The following DMD variants were observed in gnomAD, a reference collection of about 807,000 sequenced individuals.
The protein encoded by DMD is dystrophin, also known as mutant dystrophin.
A neutral mutation model predicts 330.1 loss-of-function variants in DMD; 63 were observed. The observed-to-expected ratio is 0.19, with a 90% CI of 0.16 to 0.24. DMD has a LOEUF of 0.24. Among genes scored for constraint, DMD ranks in the 10% least tolerant of loss-of-function variants. The pLI is 1.00. For missense variants in DMD, 3,344 were observed against 2,684.1 expected (o/e 1.25, Z -5.43); for synonymous variants, 1,223 against 959.8 (o/e 1.27, Z -5.07).
chrX:33,202,361 C>T (rs1237636591), intron 1 of DMD, among the ~76,000 whole-genome samples: 1 of 111,688 alleles, frequency 9.0e-6, no homozygotes, highest in Non-Finnish European at 1.9e-5. Context: ...AAGCAAATTA[C>T]TTAATCTCCC....
At chrX:33,086,337 T>G (rs2095004686) in intron 1 of DMD, among the ~76,000 whole-genome samples, 1 of 112,133 alleles carries the variant, frequency 8.9e-6, no homozygotes, top group Admixed American at 9.6e-5. Context: ...TTAGAATTTT[T>G]TAAAGTTAAC....
intron 2 of DMD, among the ~76,000 whole-genome samples, chrX:32,856,685 G>T (rs1379124807): frequency 8.9e-6 from 1 of 111,751 alleles, no homozygotes; most frequent in Non-Finnish European, 1.9e-5. Context: ...GGGACAGGAG[G>T]AGTGGGAATG....
intron 50 of DMD, among the ~76,000 whole-genome samples, chrX:31,812,489 G>C (rs1307267008): frequency 4.6e-5 from 5 of 108,276 alleles, no homozygotes; most frequent in Admixed American, 3.0e-4. Flanking sequence ...AATGGGTGCA[G>C]CACACCAACA....
chrX:32,104,101 G>A (rs1300272957), intron 44 of DMD, among the ~76,000 whole-genome samples: 1 of 111,220 alleles, frequency 9.0e-6, no homozygotes, highest in East Asian at 2.8e-4. Context: ...GAACTGCTTA[G>A]CAAAAAGGAA....
At chrX:31,442,391 G>A (rs909391094) in intron 60 of DMD, among the ~76,000 whole-genome samples, 35 of 111,019 alleles carry the variant, frequency 3.2e-4, no homozygotes, top group Middle Eastern at 4.7e-3. Context: ...TGCTCTTTTC[G>A]CTATATCATA....
At chrX:32,035,486 A>T (rs1028498609) in intron 44 of DMD, 10 of 262,048 alleles carry the variant, frequency 3.8e-5, no homozygotes, top group African/African-American at 2.9e-4. Flanking sequence ...TGGATGTGTG[A>T]TATGACTGAT....
At chrX:32,256,200 C>A (rs1285285756) in intron 43 of DMD, among the ~76,000 whole-genome samples, 1 of 111,121 alleles carries the variant, frequency 9.0e-6, no homozygotes, top group Non-Finnish European at 1.9e-5. Context: ...ATAGTTAGTT[C>A]TTCTTGTTGC....
chrX:31,387,386 G>A (rs1013683356), intron 60 of DMD, among the ~76,000 whole-genome samples: 7 of 110,983 alleles, frequency 6.3e-5, no homozygotes, highest in Non-Finnish European at 1.3e-4. Context: ...ATGATCTCAT[G>A]ATATGTAAAT....
intron 2 of DMD, among the ~76,000 whole-genome samples, chrX:32,957,974 A>G (rs1161584143): frequency 1.8e-5 from 2 of 112,085 alleles, no homozygotes; most frequent in Non-Finnish European, 3.8e-5. Flanking sequence ...ATAAATGCAG[A>G]AATCACTATA....
intron 30 of DMD, among the ~76,000 whole-genome samples, chrX:32,390,622 G>A (rs2097995087): frequency 8.9e-6 from 1 of 111,937 alleles, no homozygotes; most frequent in Admixed American, 9.5e-5. Flanking sequence ...AACTGTGACA[G>A]GGATGAGATA....
chrX:33,100,260 A>G lies in DMD; in HGVS notation c.32-80060T>C, dbSNP rs1162853631. ...TAAGTTTTACAATGCAAAGTTAGAC[A>G]CCAAAAAATATCTAACTTTATTAAG... On this transcript the variant is annotated intron_variant, in intron 1 of 78. Transcript: ENST00000357033. Among the ~76,000 whole-genome samples the G allele has an allele frequency of 4.4e-5, 5 of 112,398 alleles. 1 individual carries two copies. The highest frequency in any genetic ancestry group is 9.4e-5 in the Non-Finnish European group (5 of 53,312).
At chrX:32,656,003 TA>T (rs951826706) in intron 9 of DMD, among the ~76,000 whole-genome samples, 5 of 111,273 alleles carry the variant, frequency 4.5e-5, no homozygotes, top group African/African-American at 9.8e-5. Context: ...ATTCCTACAT[TA>T]AAAAAATGGC....
chrX:31,412,916 AATT>A (rs2061707385), intron 60 of DMD, among the ~76,000 whole-genome samples: 1 of 111,592 alleles, frequency 9.0e-6, no homozygotes, highest in South Asian at 3.8e-4. Context: ...AATCTTACTT[AATT>A]AAGTGTGCTG....
At chrX:32,565,953 T>G (rs2051656460) in intron 15 of DMD, 72 bp from the exon 16 acceptor site, 2 of 911,481 alleles carry the variant, frequency 2.2e-6, no homozygotes, top group South Asian at 4.2e-5. Flanking sequence ...CAATCTGCTT[T>G]TGCGTGTATT....
chrX:32,452,867 T>C (rs2098339984), intron 26 of DMD, among the ~76,000 whole-genome samples: 1 of 111,153 alleles, frequency 9.0e-6, no homozygotes, highest in South Asian at 3.7e-4. Context: ...CTGAGGTAAT[T>C]TTATCCCATT....
Position 31,965,860 on chromosome X carries a change from C to T in DMD, c.6614+2479G>A, listed in dbSNP as rs1044330655. Among the ~76,000 whole-genome samples the T allele has an allele frequency of 3.6e-5, 4 of 111,981 alleles. 1 individual carries two copies. In the Admixed American group the frequency reaches 3.8e-4, roughly 11 times the overall value. ...ACTGCATCGCTAACTGACTACATTT[C>T]ACACTTCATTTGCTTCCAACATAGA... On this transcript the variant is annotated intron_variant, in intron 45 of 78. Coordinates refer to ENST00000357033, the MANE Select transcript of DMD (RefSeq NM_004006.3).
chrX:32,100,374 G>GATAT (rs71843068), intron 44 of DMD, among the ~76,000 whole-genome samples: 14 of 101,133 alleles, frequency 1.4e-4, no homozygotes, highest in African/African-American at 4.4e-4. Context: ...TATTTTCCCA[G>GATAT]ATATATATAT....
intron 9 of DMD, among the ~76,000 whole-genome samples, chrX:32,673,450 A>C (rs2061760315): frequency 1.8e-5 from 2 of 111,508 alleles, no homozygotes; most frequent in Non-Finnish European, 3.8e-5. Flanking sequence ...AAAAAAGAAA[A>C]TATAGCTTTG....
intron 7 of DMD, among the ~76,000 whole-genome samples, chrX:32,762,817 G>A (rs1407325881): frequency 9.0e-6 from 1 of 110,951 alleles, no homozygotes; most frequent in Non-Finnish European, 1.9e-5. Flanking sequence ...GTCTTCAGAA[G>A]GTGTTAAATA....
Sources: allele counts gnomAD v4.1 joint callset (sites outside exome capture counted in the v4.1 genomes callset), GRCh38; gene constraint gnomAD v4.1.1; transcripts MANE v1.5; gene names NCBI Gene and HGNC (gene_info 2026-07-23, HGNC 2026-07-21).